Variants in PTGFRN observed in about 807,000 individuals in gnomAD.
The protein encoded by PTGFRN is prostaglandin F2 receptor inhibitor.
In PTGFRN, 35 loss-of-function variants were observed where a neutral mutation model predicts 83.2. The ratio of observed to expected loss-of-function variants is 0.42; its 90% CI spans 0.32 to 0.56. The LOEUF is 0.56. Ranked by LOEUF, PTGFRN falls within the 20% of genes least tolerant of loss-of-function variation. PTGFRN has a pLI of 0.11. For synonymous variants in PTGFRN, 519 were observed against 498.6 expected (o/e 1.04, Z -0.55); for missense variants, 1,051 against 1,179.5 (o/e 0.89, Z 1.60).
Position 116,941,818 on chromosome 1 carries a change from C to A in PTGFRN, c.153C>A (p.Pro51=). The A allele has an allele frequency of 6.2e-7, 1 of 1,614,186 alleles. No individual in the cohort carries two copies. The highest frequency in any genetic ancestry group is 8.5e-7 in the Non-Finnish European group (1 of 1,180,042). The part of the protein sequence containing the change: ...IPCNVSDYDG[P]SEQNFDWSFS... ...GCAACGTCAGTGACTATGATGGCCCCAGCGAGCAAAACTTTGACTGGAGCT... is the reference window on the plus strand; with the variant it reads ...GCAACGTCAGTGACTATGATGGCCCAAGCGAGCAAAACTTTGACTGGAGCT... Residue 51 remains proline (P), a synonymous_variant, in exon 2 of 9, where the codon CCC becomes CCA. Coordinates refer to ENST00000393203, the MANE Select transcript of PTGFRN (RefSeq NM_020440.4). This position sits in a 1 kb window ranked among gnomAD's most constrained non-coding sequence, Gnocchi z 5.0.
rs530670395 is a variant in PTGFRN, at chr1:116,985,117, G to T, written c.2473+132G>T. The T allele has an allele frequency of 6.1e-5, 57 of 930,468 alleles. No individual in the cohort carries two copies. The African/African-American group carries it at 8.0e-4, about 13-fold the overall frequency. The allele number at this position is 930,468 out of a possible 1,614,324, so 57.6% of individuals were successfully genotyped here. On this transcript the variant is annotated intron_variant, in intron 8 of 8. Transcript: ENST00000393203. Reference sequence around the variant, plus strand: ...ACGTCCTGCTTTCTTTCTAGACCTGGCCTGAGCCTGCACCCAGAAGGGCAC... The same window carrying T: ...ACGTCCTGCTTTCTTTCTAGACCTGTCCTGAGCCTGCACCCAGAAGGGCAC...
At chr1:116,979,042 G>A (rs1651236496) in intron 7 of PTGFRN, among the ~76,000 whole-genome samples, 1 of 152,140 alleles carries the variant, frequency 6.6e-6, no homozygotes, top group Non-Finnish European at 1.5e-5. Flanking sequence ...CAAAATCAAT[G>A]TGCAAAAATC....
intron 1 of PTGFRN, among the ~76,000 whole-genome samples, chr1:116,917,289 G>A (rs530062936): frequency 1.7e-4 from 26 of 149,076 alleles, no homozygotes; most frequent in Admixed American, 7.9e-4. Context: ...CTCAGGGCAC[G>A]GCAGAACCAG....
chr1:116,980,208 G>A (rs575645061), intron 7 of PTGFRN, among the ~76,000 whole-genome samples: 1 of 152,078 alleles, frequency 6.6e-6, no homozygotes, highest in East Asian at 1.9e-4. Flanking sequence ...AAAAAGTCAG[G>A]GAACAACAGG....
chr1:116,962,565 G>A (rs1352097531), intron 5 of PTGFRN: 1 of 152,628 alleles, frequency 6.6e-6, no homozygotes, highest in East Asian at 1.9e-4. Context: ...CTCTAATACA[G>A]TTAATCCTGT....
At position 116,949,060 on chromosome 1, in the gene PTGFRN, T is replaced by TA. The variant is rs1364219257; in HGVS notation, c.833-131dup. The TA allele has an allele frequency of 4.1e-5, 46 of 1,125,624 alleles. No individual in the cohort carries two copies. The African/African-American group carries it at 6.3e-4, about 15-fold the overall frequency. 69.7% of individuals were successfully genotyped at this position (1,125,624 alleles called of 1,614,324 possible). On this transcript the variant is annotated intron_variant, in intron 3 of 8. Transcript: ENST00000393203. Reference sequence around the variant, plus strand: ...ATTCATTAAATATTTCTCAAGCACTTACAACTGTACAAAGCCTTCTAACTT... The same window carrying TA: ...ATTCATTAAATATTTCTCAAGCACTTAACAACTGTACAAAGCCTTCTAACTT...
At chr1:116,984,597 A>G in intron 7 of PTGFRN, 83 bp from the exon 8 acceptor site, 1 of 1,351,470 alleles carries the variant, frequency 7.4e-7, no homozygotes, top group South Asian at 1.3e-5. Flanking sequence ...CATACGTAGT[A>G]AGGGCCTCAT....
chr1:116,974,596 A>G, intron 7 of PTGFRN: 1 of 374,108 alleles, frequency 2.7e-6, no homozygotes. Flanking sequence ...TTTCAGGCTG[A>G]TTTGAAACCC....
At chr1:116,930,884 TCA>T (rs1649780357) in intron 1 of PTGFRN, among the ~76,000 whole-genome samples, 2 of 152,170 alleles carry the variant, frequency 1.3e-5, no homozygotes, top group Non-Finnish European at 2.9e-5. Context: ...CTTTCCTCCT[TCA>T]TGTCTTCTGT....
intron 7 of PTGFRN, among the ~76,000 whole-genome samples, chr1:116,980,572 G>A (rs1651287021): frequency 1.3e-5 from 2 of 152,268 alleles, no homozygotes; most frequent in Admixed American, 1.3e-4. Context: ...GGATGAAGCT[G>A]GAAACCATCA....
In PTGFRN at chr1:116,974,230, G is replaced by C; in HGVS notation, c.2074G>C (p.Ala692Pro). ...TTTTTTTCCAGGTCCTATATTTAATGCTTCTGTGCATTCAGACACACCATC... is the reference window on the plus strand; with the variant it reads ...TTTTTTTCCAGGTCCTATATTTAATCCTTCTGTGCATTCAGACACACCATC... ...DFQTSGPIFN[A>P]SVHSDTPSVI... Residue 692 changes from alanine (A) to proline (P), a missense_variant, in exon 7 of 9, where the codon GCT becomes CCT. This residue lies in a region of PTGFRN where 719 missense variants were observed against 836.6 expected (regional missense o/e 0.86). Transcript: ENST00000393203. The C allele has an allele frequency of 1.9e-6, 3 of 1,607,540 alleles. No individual in the cohort carries two copies. The highest frequency in any genetic ancestry group is 2.6e-6 in the Non-Finnish European group (3 of 1,174,486).
At chr1:116,984,591 C>A in intron 7 of PTGFRN, 89 bp from the exon 8 acceptor site, 1 of 1,284,452 alleles carries the variant, frequency 7.8e-7, no homozygotes, top group Non-Finnish European at 1.1e-6. Flanking sequence ...GCTTGCCATA[C>A]GTAGTAAGGG....
chr1:116,980,173 C>T (rs542066938), intron 7 of PTGFRN, among the ~76,000 whole-genome samples: 27 of 151,920 alleles, frequency 1.8e-4, no homozygotes, highest in African/African-American at 6.1e-4. Context: ...AACACCATCT[C>T]ACACCAGTTA....
At position 116,953,884 on chromosome 1, in the gene PTGFRN, G is replaced by A. The variant is rs563237707; in HGVS notation, c.1213+4312G>A. ...TTTTTTTTTTTTGAGATGGAGTCTC[G>A]CTCTGTCGCCCAGGCTGGAGTGCAG... On this transcript the variant is annotated intron_variant, in intron 4 of 8. Transcript: ENST00000393203. Among the ~76,000 whole-genome samples, 12 of 141,582 alleles carry A rather than the reference G, an allele frequency of 8.5e-5. No homozygotes were observed. The South Asian group carries it at 2.7e-3, about 32-fold the overall frequency. The allele number at this position is 141,582 out of a possible 152,430, so 92.9% of individuals were successfully genotyped here.
chr1:116,971,329 C>T (rs1357200598), intron 6 of PTGFRN, among the ~76,000 whole-genome samples: 1 of 152,110 alleles, frequency 6.6e-6, no homozygotes, highest in Non-Finnish European at 1.5e-5. Flanking sequence ...GTAACTTTTG[C>T]TTTCATTAAA....
chr1:116,945,188 A>G (rs930095128), intron 3 of PTGFRN, 96 bp downstream of exon 3: 5 of 1,447,314 alleles, frequency 3.5e-6, no homozygotes, highest in Admixed American at 4.6e-5. Context: ...CCTTCTGACA[A>G]GAACTGTTTC....
Position 116,941,608 on chromosome 1 carries a change from C to A in PTGFRN, c.50-107C>A. 1 of 1,428,578 alleles carries A rather than the reference C, an allele frequency of 7.0e-7. No homozygotes were observed. The highest frequency in any genetic ancestry group is 9.4e-7 in the Non-Finnish European group (1 of 1,066,464). 88.5% of individuals were successfully genotyped at this position (1,428,578 alleles called of 1,614,324 possible). On this transcript the variant is annotated intron_variant, in intron 1 of 8. Coordinates refer to ENST00000393203, the MANE Select transcript of PTGFRN (RefSeq NM_020440.4). The surrounding 1 kb of genome is among the most constrained non-coding windows in gnomAD (Gnocchi z 5.0). ...ACATTTTCCCTAGTAGTTTGGCTGT[C>A]ACGTTTCTGCCATGCCTGTGAGCAG...
At chr1:116,955,498 TTTC>T (rs1402133681) in intron 4 of PTGFRN, among the ~76,000 whole-genome samples, 4 of 152,162 alleles carry the variant, frequency 2.6e-5, no homozygotes, top group African/African-American at 4.8e-5. Context: ...CACACACTTT[TTTC>T]TTCTAGAAGA....
chr1:116,941,904 C>T lies in PTGFRN; in HGVS notation c.239C>T (p.Ala80Val), dbSNP rs1650072141. ...LASTWEVGFP[A>V]QLYQERLQRG... ...AGCACCTGGGAGGTGGGGTTCCCAG[C>T]CCAGCTGTACCAGGAGCGGCTGCAG... Residue 80 changes from alanine (A) to valine (V), a missense_variant, in exon 2 of 9, where the codon GCC becomes GTC. Physicochemically the swap from Ala to Val is moderately conservative, Grantham distance 64 (BLOSUM62 0). Transcript: ENST00000393203. This position sits in a 1 kb window ranked among gnomAD's most constrained non-coding sequence, Gnocchi z 5.0. The T allele has an allele frequency of 6.2e-7, 1 of 1,614,164 alleles. No homozygotes were observed. The highest frequency in any genetic ancestry group is 8.5e-7 in the Non-Finnish European group (1 of 1,180,010).
Sources: allele counts gnomAD v4.1 joint callset (sites outside exome capture counted in the v4.1 genomes callset), GRCh38; gene constraint gnomAD v4.1.1; regional missense constraint gnomAD v4.1.1; non-coding constraint Gnocchi (gnomAD v3.1); transcripts MANE v1.5; gene names NCBI Gene and HGNC (gene_info 2026-07-23, HGNC 2026-07-21).